SHISA9: variants seen among roughly 807,000 people sequenced by gnomAD.
The protein encoded by SHISA9 is protein shisa-9.
Under a neutral mutation model 38.0 loss-of-function variants are expected in SHISA9, and 13 were observed. The ratio of observed to expected loss-of-function variants is 0.34; its 90% CI spans 0.22 to 0.54. The LOEUF is 0.54. Ranked by LOEUF, SHISA9 falls within the 20% of genes least tolerant of loss-of-function variation. The pLI, the probability that SHISA9 is intolerant of heterozygous loss-of-function variation, is 0.91. For missense variants in SHISA9, 538 were observed against 575.8 expected (o/e 0.93, Z 0.67); for synonymous variants, 275 against 242.0 (o/e 1.14, Z -1.27).
chr16:13,044,836 T>C (rs1396421555), intron 2 of SHISA9, among the ~76,000 whole-genome samples: 1 of 152,214 alleles, frequency 6.6e-6, no homozygotes, highest in Non-Finnish European at 1.5e-5. Context: ...TTTTATATAG[T>C]CTTCTCTCTA....
chr16:13,532,581 G>GTGTGTGTA, the SHISA9 span, among the ~76,000 whole-genome samples: 2 of 152,002 alleles, frequency 1.3e-5, no homozygotes, highest in Admixed American at 1.3e-4. Flanking sequence ...GTGTGTGTGT[G>GTGTGTGTA]TGTGAACGCT....
intron 2 of SHISA9, among the ~76,000 whole-genome samples, chr16:13,167,903 C>T (rs550591115): frequency 1.3e-5 from 2 of 152,244 alleles, no homozygotes; most frequent in South Asian, 4.2e-4. Flanking sequence ...TGTCTTAATT[C>T]TTGGATTTCC....
chr16:13,487,144 A>C, the SHISA9 span, among the ~76,000 whole-genome samples: 1 of 152,208 alleles, frequency 6.6e-6, no homozygotes, highest in African/African-American at 2.4e-5. Context: ...ATCCCTTGCT[A>C]TCTGAGAGGG....
the SHISA9 span, among the ~76,000 whole-genome samples, chr16:13,428,343 C>T: frequency 6.6e-6 from 1 of 152,148 alleles, no homozygotes; most frequent in East Asian, 1.9e-4. Flanking sequence ...AGTTAAGTTA[C>T]ATCCTTGGCA....
At position 12,912,256 on chromosome 16, in the gene SHISA9, G is replaced by A. The variant is rs748576660; in HGVS notation, c.564-4432G>A. Among the ~76,000 whole-genome samples the A allele has an allele frequency of 1.7e-4, 26 of 152,156 alleles. 1 individual carries two copies. Among genetic ancestry groups the A allele is most frequent in the Non-Finnish European group, 3.2e-4 (22 of 68,034 alleles). ...TCCCTAAAGACTCTTCATTTCTGCC[G>A]CACACTCTAGGAAGGGCTGCCCTGG... On this transcript the variant is annotated intron_variant, in intron 1 of 4. Transcript: ENST00000558583.
chr16:13,059,153 A>C (rs1374057649), intron 2 of SHISA9, among the ~76,000 whole-genome samples: 1 of 115,210 alleles, frequency 8.7e-6, no homozygotes, highest in Non-Finnish European at 1.6e-5. Flanking sequence ...TTTGAGACAG[A>C]GTCTCACTCT....
At chr16:13,027,625 A>C (rs955414784) in intron 2 of SHISA9, among the ~76,000 whole-genome samples, 3 of 152,138 alleles carry the variant, frequency 2.0e-5, no homozygotes, top group African/African-American at 7.2e-5. Context: ...AATAATGAAT[A>C]TTGATTCACA....
At position 12,949,685 on chromosome 16, in the gene SHISA9, CAT is replaced by C. The variant is rs1260408097; in HGVS notation, c.691+32873_691+32874del. ...TTTGAATATACTGGGTTAAATAAAA[CAT>C]ATGACATATTAAAATTAAGTTCACT... On this transcript the variant is annotated intron_variant, in intron 2 of 4. Transcript: ENST00000558583. Among the ~76,000 whole-genome samples, 20 of 152,218 alleles carry C rather than the reference CAT, an allele frequency of 1.3e-4. No individual in the cohort carries two copies. In the Middle Eastern group the frequency reaches 0.014, roughly 104 times the overall value.
chr16:13,107,459 CA>C (rs978611589), intron 2 of SHISA9, among the ~76,000 whole-genome samples: 5 of 132,910 alleles, frequency 3.8e-5, no homozygotes, highest in Admixed American at 3.4e-4. Context: ...AACAAACAAA[CA>C]AAAAAACAAC....
chr16:13,386,910 C>G, the SHISA9 span, among the ~76,000 whole-genome samples: 3 of 152,114 alleles, frequency 2.0e-5, no homozygotes, highest in Admixed American at 6.5e-5. Context: ...GTTTTACTAT[C>G]TAAATTCATA....
the SHISA9 span, among the ~76,000 whole-genome samples, chr16:13,347,387 A>C: frequency 1.1e-4 from 17 of 152,282 alleles, no homozygotes; most frequent in African/African-American, 3.8e-4. Context: ...ACTCAAACAC[A>C]TCTTTTATTG....
chr16:13,555,394 A>G, the SHISA9 span, among the ~76,000 whole-genome samples: 4 of 152,344 alleles, frequency 2.6e-5, 1 homozygote, highest in South Asian at 8.3e-4. Context: ...TTTCCAAAAA[A>G]ATAAAAGAGG....
At chr16:13,445,805 G>A in the SHISA9 span, among the ~76,000 whole-genome samples, 1 of 152,144 alleles carries the variant, frequency 6.6e-6, no homozygotes, top group East Asian at 1.9e-4. Context: ...TACCAGTTAT[G>A]TGACTTTGGG....
chr16:13,499,093 C>T, the SHISA9 span, among the ~76,000 whole-genome samples: 1 of 152,180 alleles, frequency 6.6e-6, no homozygotes, highest in East Asian at 1.9e-4. Context: ...TTCTGGGGTA[C>T]AGTATCAGAG....
At chr16:13,540,117 C>A in the SHISA9 span, among the ~76,000 whole-genome samples, 7 of 152,088 alleles carry the variant, frequency 4.6e-5, no homozygotes, top group Non-Finnish European at 7.4e-5. Flanking sequence ...GTCTTACTTT[C>A]AGTCCAGTGC....
intron 1 of SHISA9, chr16:12,908,664 G>A: frequency 6.5e-7 from 1 of 1,541,972 alleles, no homozygotes; most frequent in Non-Finnish European, 8.8e-7. Flanking sequence ...TCACAGAGAA[G>A]TACGCGATGC....
intron 2 of SHISA9, among the ~76,000 whole-genome samples, chr16:13,163,828 C>A (rs1047139857): frequency 6.6e-6 from 1 of 151,898 alleles, no homozygotes; most frequent in East Asian, 1.9e-4. Context: ...GTATGTTAAC[C>A]TTGTGTCTTG....
At chr16:13,146,650 C>G (rs1196070802) in intron 2 of SHISA9, among the ~76,000 whole-genome samples, 2 of 152,152 alleles carry the variant, frequency 1.3e-5, no homozygotes. Context: ...TCATTCAACC[C>G]TTTGAGATGG....
chr16:13,415,335 C>CA, the SHISA9 span, among the ~76,000 whole-genome samples: 15 of 152,058 alleles, frequency 9.9e-5, no homozygotes, highest in East Asian at 2.5e-3. Context: ...AACACAGGGA[C>CA]AAAAAACCAA....
Sources: gnomAD v4.1 joint callset for allele counts (sites outside exome capture counted in the v4.1 genomes callset) on GRCh38, gnomAD v4.1.1 for gene constraint, MANE v1.5 for transcripts, NCBI Gene and HGNC (gene_info 2026-07-23, HGNC 2026-07-21) for gene names.